The following PRH1 variants were observed in gnomAD, a reference collection of about 807,000 sequenced individuals.
PRH1 encodes the protein salivary acidic proline-rich phosphoprotein 1/2.
In PRH1, 7 loss-of-function variants were observed where a neutral mutation model predicts 7.9. The observed-to-expected ratio is 0.89, with a 90% CI of 0.50 to 1.67. PRH1 has a LOEUF of 1.67. Ranked by LOEUF, PRH1 falls within the 40% of genes most tolerant of loss-of-function variation. The pLI is 0.00. For synonymous variants in PRH1, 45 were observed against 80.8 expected (o/e 0.56, Z 2.38); for missense variants, 109 against 223.6 (o/e 0.49, Z 3.27).
chr12:10,986,740 T>C (rs778469223), intron 1 of PRH1: 4 of 1,612,742 alleles, frequency 2.5e-6, no homozygotes, highest in Non-Finnish European at 3.4e-6. Context: ...GCTGAGGAGA[T>C]CTTTTTTCTC....
At chr12:10,996,152 C>A (rs1465569668) in intron 1 of PRH1, among the ~76,000 whole-genome samples, 4 of 149,970 alleles carry the variant, frequency 2.7e-5, no homozygotes, top group Non-Finnish European at 5.9e-5. Context: ...CCCATCTCTA[C>A]TAAAAAAAAA....
chr12:10,933,418 A>G (rs1457267006), intron 2 of PRH1, among the ~76,000 whole-genome samples: 2 of 151,856 alleles, frequency 1.3e-5, no homozygotes, highest in East Asian at 1.9e-4. Context: ...GAAGAGAAAT[A>G]CCCCAAGTTC....
intron 1 of PRH1, among the ~76,000 whole-genome samples, chr12:11,080,024 C>A (rs1211858709): frequency 7.3e-6 from 1 of 137,564 alleles, no homozygotes; most frequent in Non-Finnish European, 1.6e-5. Flanking sequence ...TCATGTAGGG[C>A]AAGACATGGA....
chr12:11,046,452 C>G (rs1330566008), intron 1 of PRH1, among the ~76,000 whole-genome samples: 4 of 152,098 alleles, frequency 2.6e-5, no homozygotes, highest in African/African-American at 9.7e-5. Flanking sequence ...TTCTCCTGAC[C>G]TCCTGCTGCT....
chr12:10,993,522 C>A (rs1411870528), intron 1 of PRH1, among the ~76,000 whole-genome samples: 2 of 152,082 alleles, frequency 1.3e-5, no homozygotes, highest in African/African-American at 4.8e-5. Context: ...TTTTAGGGGT[C>A]CAGTGCTCCT....
chr12:11,074,129 C>T (rs66733617), intron 1 of PRH1, among the ~76,000 whole-genome samples: 41,825 of 114,050 alleles, frequency 0.37, 11,567 homozygotes, highest in Non-Finnish European at 0.46. Context: ...ATCCAGATCA[C>T]CTTTCCATCT....
intron 2 of PRH1, among the ~76,000 whole-genome samples, chr12:10,923,238 T>G (rs1591682444): frequency 6.6e-6 from 1 of 151,500 alleles, no homozygotes; most frequent in East Asian, 2.0e-4. Flanking sequence ...TAATTCTCCT[T>G]CCTCAGTCTC....
Position 11,088,257 on chromosome 12 carries a change from C to A in PRH1, n.124-41069G>T, listed in dbSNP as rs1389807807. Among the ~76,000 whole-genome samples, 2 of 122,190 alleles carry A rather than the reference C, an allele frequency of 1.6e-5. 1 individual carries two copies. The highest frequency in any genetic ancestry group is 3.7e-5 in the Non-Finnish European group (2 of 53,586). The allele number at this position is 122,190 out of a possible 152,430, so 80.2% of individuals were successfully genotyped here. A position where few individuals can be genotyped will look rare whatever the true frequency, so the allele number is the denominator to read the frequency against. ...TAGCAATGCAGAGGTGGGGGAATCA[C>A]TTGAGCCCAGAAGGTTGAGGCTGTA... On this transcript the variant is annotated intron_variant and non_coding_transcript_variant, in intron 1 of 4. Transcript: ENST00000541977.
At position 11,090,994 on chromosome 12, in the gene PRH1, C is replaced by T. The variant is rs1160378066; in HGVS notation, n.124-43806G>A. Among the ~76,000 whole-genome samples the T allele has an allele frequency of 1.9e-5, 2 of 106,306 alleles. 1 individual carries two copies. Among genetic ancestry groups the T allele is most frequent in the Non-Finnish European group, 4.4e-5 (2 of 45,718 alleles). 69.7% of individuals were successfully genotyped at this position (106,306 alleles called of 152,430 possible). A position where few individuals can be genotyped will look rare whatever the true frequency, so the allele number is the denominator to read the frequency against. On this transcript the variant is annotated intron_variant and non_coding_transcript_variant, in intron 1 of 4. Coordinates refer to the PRH1 transcript ENST00000541977. ...TACATGAATGAAATAAACATGGCTT[C>T]AAAATTCTAAGAAGTTTTTGTCATA... is the stretch of plus-strand genomic sequence containing the variant.
intron 1 of PRH1, among the ~76,000 whole-genome samples, chr12:11,153,822 T>C (rs548624728): frequency 1.3e-5 from 2 of 152,200 alleles, no homozygotes; most frequent in Admixed American, 6.5e-5. Context: ...ACCTGAGATA[T>C]ATGAGTAGAA....
chr12:10,992,396 G>A lies in PRH1; in HGVS notation c.-125-18675C>T, dbSNP rs982576563. ...GAATGGAGTGGGAGGCTTTGTTTTCGGTTGTTCGTTTTTTTTTGTTTTTAG... is the reference window on the plus strand; with the variant it reads ...GAATGGAGTGGGAGGCTTTGTTTTCAGTTGTTCGTTTTTTTTTGTTTTTAG... On this transcript the variant is annotated intron_variant, in intron 1 of 3. Coordinates refer to the PRH1 transcript ENST00000539853. Among the ~76,000 whole-genome samples, 42 of 136,242 alleles carry A rather than the reference G, an allele frequency of 3.1e-4. 1 individual carries two copies. Among genetic ancestry groups the A allele is most frequent in the African/African-American group, 6.6e-4 (27 of 40,946 alleles). The allele number at this position is 136,242 out of a possible 152,430, so 89.4% of individuals were successfully genotyped here.
Position 11,106,236 on chromosome 12 carries a change from G to A in PRH1, n.124-59048C>T, listed in dbSNP as rs1237077374. Among the ~76,000 whole-genome samples, 5 of 46,622 alleles carry A rather than the reference G, an allele frequency of 1.1e-4. 1 individual carries two copies. The highest frequency in any genetic ancestry group is 3.0e-4 in the African/African-American group (5 of 16,582). 30.6% of individuals were successfully genotyped at this position (46,622 alleles called of 152,430 possible). ...ATTACAGGCGTGAGCCACCGCGCCC[G>A]GCCATAACTTATTCTTAAGAAGCTC... On this transcript the variant is annotated intron_variant and non_coding_transcript_variant, in intron 1 of 4. Coordinates refer to the PRH1 transcript ENST00000541977.
At chr12:11,006,681 T>C (rs1364900766) in intron 1 of PRH1, among the ~76,000 whole-genome samples, 1 of 152,118 alleles carries the variant, frequency 6.6e-6, no homozygotes, top group African/African-American at 2.4e-5. Context: ...ATAACACAGA[T>C]TGTGATTCCT....
intron 1 of PRH1, among the ~76,000 whole-genome samples, chr12:10,995,820 A>G (rs1222530321): frequency 6.6e-6 from 1 of 152,186 alleles, no homozygotes; most frequent in African/African-American, 2.4e-5. Context: ...ATGGAAACTT[A>G]TAACAGCACT....
chr12:11,110,454 C>G (rs1945556414), intron 1 of PRH1, among the ~76,000 whole-genome samples: 1 of 152,208 alleles, frequency 6.6e-6, no homozygotes, highest in Non-Finnish European at 1.5e-5. Flanking sequence ...GCCCATCAGA[C>G]TAACAGCAGA....
chr12:11,089,522 C>T (rs1390580088), intron 1 of PRH1, among the ~76,000 whole-genome samples: 1 of 18,328 alleles, frequency 5.5e-5, no homozygotes, highest in African/African-American at 7.5e-5. Context: ...CAGACATCAC[C>T]ACACATTGTT....
intron 1 of PRH1, among the ~76,000 whole-genome samples, chr12:11,032,956 C>T (rs558066511): frequency 1.1e-4 from 17 of 152,272 alleles, no homozygotes; most frequent in African/African-American, 3.8e-4. Flanking sequence ...ATCTAGTACA[C>T]TGTTCCCAGA....
At chr12:11,059,305 C>T (rs2708383) in intron 1 of PRH1, among the ~76,000 whole-genome samples, 69,173 of 151,274 alleles carry the variant, frequency 0.46, 16,558 homozygotes, top group Non-Finnish European at 0.53. Context: ...GCCAGCAGAG[C>T]CATACCAGAC....
At chr12:10,940,217 C>T (rs994683455) in intron 2 of PRH1, among the ~76,000 whole-genome samples, 4 of 152,104 alleles carry the variant, frequency 2.6e-5, no homozygotes, top group African/African-American at 7.2e-5. Context: ...CAAACATGCG[C>T]GCACACACAC....
Sources: allele counts gnomAD v4.1 joint callset (sites outside exome capture counted in the v4.1 genomes callset), GRCh38; gene constraint gnomAD v4.1.1; transcripts MANE v1.5; gene names NCBI Gene and HGNC (gene_info 2026-07-23, HGNC 2026-07-21).